TCHH: variants seen among roughly 807,000 people sequenced by gnomAD.
TCHH encodes the protein trichohyalin.
Under a neutral mutation model 6.3 loss-of-function variants are expected in TCHH, and 6 were observed. The observed-to-expected ratio is 0.95, with a 90% CI of 0.52 to 1.88. The LOEUF is 1.88. Ranked by LOEUF, TCHH falls within the 40% of genes most tolerant of loss-of-function variation. The pLI, the probability that TCHH is intolerant of heterozygous loss-of-function variation, is 0.01. For synonymous variants in TCHH, 1,087 were observed against 963.6 expected (o/e 1.13, Z -2.37); for missense variants, 2,920 against 2,449.1 (o/e 1.19, Z -4.06).
In TCHH at chr1:152,112,476, C is replaced by T. The variant is rs1198425094; in HGVS notation, c.741G>A (p.Arg247=). The change falls in exon 3 of 3, where the codon AGG becomes AGA. Residue 247 remains arginine, a synonymous_variant. Transcript: ENST00000614923. ...VFQEEEEKEW[R]KRETVLRKEE... The stretch of plus-strand genomic sequence containing the variant: ...CCTTCCGGAGCACTGTCTCGCGCTT[C>T]CTCCACTCTTTCTCTTCTTCCTCCT... The T allele has an allele frequency of 2.5e-6, 4 of 1,613,306 alleles. No individual in the cohort carries two copies. Among genetic ancestry groups the T allele is most frequent in the Admixed American group, 1.7e-5 (1 of 59,986 alleles).
chr1:152,113,571 C>T (rs1242331252), intron 2 of TCHH, among the ~76,000 whole-genome samples: 2 of 152,192 alleles, frequency 1.3e-5, no homozygotes, highest in African/African-American at 4.8e-5. Context: ...GATTTGGTTT[C>T]TATTCCATAT....
At position 152,110,237 on chromosome 1, in the gene TCHH, C is replaced by T. The variant is rs748603628; in HGVS notation, c.2980G>A (p.Glu994Lys). 4.4e-6 allele frequency: 7 copies of T among 1,608,884 alleles called. No individual in the cohort carries two copies. The highest frequency in any genetic ancestry group is 5.9e-6 in the Non-Finnish European group (7 of 1,177,984). The change falls in exon 3 of 3, where the codon GAG becomes AAG. Residue 994 changes from glutamate to lysine, a missense_variant. By Grantham distance (56) the Glu-to-Lys change is moderately conservative. Transcript: ENST00000614923. ...QEREKKYREE[E>K]ELQQEEEQLL... is the part of the protein sequence containing the mutation. ...TGCTCTTCCTCCTGCTGCAACTCCT[C>T]TTCCTCGCGGTATTTTTTCTCCCGC...
In TCHH at chr1:152,108,589, T is replaced by G. The variant is rs1658198398; in HGVS notation, c.4628A>C (p.Gln1543Pro). 3.1e-6 allele frequency: 5 copies of G among 1,601,588 alleles called. No homozygotes were observed. The highest frequency in any genetic ancestry group is 3.4e-6 in the Non-Finnish European group (4 of 1,174,846). ...CTGACGCCGCTGTTGCCCGCGCTCCTGGCGGCGCAGCTGCTGTTCCTCCTG... is the reference window on the plus strand; with the variant it reads ...CTGACGCCGCTGTTGCCCGCGCTCCGGGCGGCGCAGCTGCTGTTCCTCCTG... ...FLQEEQQLRR[Q>P]ERGQQRRQDR... is the part of the protein sequence containing the mutation. Residue 1543 changes from glutamine to proline, a missense_variant, in exon 3 of 3, where the codon CAG becomes CCG. Gln to Pro is a moderately conservative substitution (Grantham distance 76). Coordinates refer to ENST00000614923, the MANE Select transcript of TCHH (RefSeq NM_007113.4).
chr1:152,106,482 C>T lies in TCHH; in HGVS notation c.*903G>A, dbSNP rs1658106508. The stretch of plus-strand genomic sequence containing the variant: ...TCACACATTTTTCCCTTTTACACCC[C>T]CAACATGCTCTATGTGATCTCTTAT... On this transcript the variant is annotated 3_prime_UTR_variant, in exon 3 of 3. Coordinates refer to ENST00000614923, the MANE Select transcript of TCHH (RefSeq NM_007113.4). 1 of 152,178 alleles carries T rather than the reference C, an allele frequency of 6.6e-6. No homozygotes were observed. The highest frequency in any genetic ancestry group is 2.1e-4 in the South Asian group (1 of 4,828). The allele number at this position is 152,178 out of a possible 1,614,324, so 9.4% of individuals were successfully genotyped here.
Position 152,107,617 on chromosome 1 carries a change from T to G in TCHH, c.5600A>C (p.Glu1867Ala). 6.2e-7 allele frequency: 1 copy of G among 1,614,184 alleles called. No individual in the cohort carries two copies. The highest frequency in any genetic ancestry group is 8.5e-7 in the Non-Finnish European group (1 of 1,180,034). Residue 1867 changes from glutamate (E) to alanine (A), a missense_variant, in exon 3 of 3, where the codon GAA (glutamate) becomes GCA (alanine). Coordinates refer to ENST00000614923, the MANE Select transcript of TCHH (RefSeq NM_007113.4). Reference sequence around the variant, plus strand: ...TTCCTGGCGACGTTTCTGCTCCTCTTCTTGCCATAGTTCTTGTTCCTCACG... The same window carrying G: ...TTCCTGGCGACGTTTCTGCTCCTCTGCTTGCCATAGTTCTTGTTCCTCACG... ...SRREEQELWQ[E>A]EEQKRRQERE...
rs772870368 is a variant in TCHH, at chr1:152,112,669, C to T, written c.548G>A (p.Arg183Gln). The change falls in exon 3 of 3, where the codon CGG becomes CAG. Residue 183 changes from arginine to glutamine, a missense_variant. Coordinates refer to ENST00000614923, the MANE Select transcript of TCHH (RefSeq NM_007113.4). ...CTCTTCCTCTGCACGGCGCTCTTCCCGTTCTTGCCATTCTTGCCTTTGCCG... is the reference window on the plus strand; with the variant it reads ...CTCTTCCTCTGCACGGCGCTCTTCCTGTTCTTGCCATTCTTGCCTTTGCCG... ...LWRQRQEWQE[R>Q]EERRAEEEQL... The T allele has an allele frequency of 1.2e-6, 2 of 1,614,030 alleles. No individual in the cohort carries two copies. The highest frequency in any genetic ancestry group is 1.7e-6 in the Non-Finnish European group (2 of 1,180,034).
Position 152,109,127 on chromosome 1 carries a change from C to T in TCHH, c.4090G>A (p.Glu1364Lys), listed in dbSNP as rs752611225. ...TGTTCCTGATGGCGCAGTTCCTCTT[C>T]GCGGAATTTTCTGTCACGCTCTTGG... The part of the protein sequence containing the change: ...RRQERDRKFR[E>K]EELRHQEQGR... The change falls in exon 3 of 3, where the codon GAA becomes AAA. Residue 1364 changes from glutamate (E) to lysine (K), a missense_variant. Coordinates refer to ENST00000614923, the MANE Select transcript of TCHH (RefSeq NM_007113.4). 3.1e-6 allele frequency: 5 copies of T among 1,613,488 alleles called. No homozygotes were observed. Among genetic ancestry groups the T allele is most frequent in the Admixed American group, 1.7e-5 (1 of 59,976 alleles).
chr1:152,110,983 T>C lies in TCHH; in HGVS notation c.2234A>G (p.Glu745Gly), dbSNP rs1309292059. 8.7e-6 allele frequency: 14 copies of C among 1,613,332 alleles called. No individual in the cohort carries two copies. The highest frequency in any genetic ancestry group is 8.5e-7 in the Non-Finnish European group (1 of 1,180,002). ...QEEKRRRRES[E>G]LQWQEEERAH... ...CCGTTCCTCCTCCTGCCATTGCAGC[T>C]CACTCTCCCGGCGCCGCCTCTTTTC... Residue 745 changes from glutamate (E) to glycine (G), a missense_variant, in exon 3 of 3, where the codon GAG becomes GGG. By Grantham distance (98) the Glu-to-Gly change is moderately conservative (BLOSUM62 -2). Transcript: ENST00000614923.
Position 152,109,735 on chromosome 1 carries a change from C to G in TCHH, c.3482G>C (p.Arg1161Thr). 1 of 1,606,236 alleles carries G rather than the reference C, an allele frequency of 6.2e-7. No homozygotes were observed. The highest frequency in any genetic ancestry group is 8.5e-7 in the Non-Finnish European group (1 of 1,176,130). ...EQLLREEPEKRRRQELERQYR... is the reference protein window; with the variant it reads ...EQLLREEPEKTRRQELERQYR... ...TTGCCTCTCCAGCTCCTGGCGCCTT[C>G]TCTTCTCCGGTTCCTCTCTCAGCAG... Residue 1161 changes from arginine (R) to threonine (T), a missense_variant, in exon 3 of 3, where the codon AGA (arginine) becomes ACA (threonine). By Grantham distance (71) the Arg-to-Thr change is moderately conservative (BLOSUM62 -1). Coordinates refer to ENST00000614923, the MANE Select transcript of TCHH (RefSeq NM_007113.4).
rs1030525219 is a variant in TCHH at position 152,111,648 on chromosome 1, C to T, written c.1569G>A (p.Glu523=). The T allele has an allele frequency of 6.2e-7, 1 of 1,609,962 alleles. No individual in the cohort carries two copies. The highest frequency in any genetic ancestry group is 8.5e-7 in the Non-Finnish European group (1 of 1,178,646). ...ERREQRLKRQ[E]EEERLQQRLR... ...ACCGCTGCTGGAGCCTCTCTTCCTC[C>T]TCCTGGCGCTTCAGCCGCTGCTCGC... is the stretch of plus-strand genomic sequence containing the variant. Residue 523 remains glutamate, a synonymous_variant, in exon 3 of 3, where the codon GAG becomes GAA. Transcript: ENST00000614923.
At position 152,108,545 on chromosome 1, in the gene TCHH, G is replaced by A. The variant is rs1171287435; in HGVS notation, c.4672C>T (p.Arg1558Cys). The change falls in exon 3 of 3, where the codon CGC (arginine) becomes TGC (cysteine). Residue 1558 changes from arginine to cysteine, a missense_variant. Physicochemically the swap from Arg to Cys is radical, Grantham distance 180. Transcript: ENST00000614923. ...QRRQDRDRKF[R>C]EEEQLRQERE... Reference sequence around the variant, plus strand: ...TCCTGGCGCAGCTGTTCCTCCTCGCGGAATTTTCTGTCACGGTCCTGACGC... The same window carrying A: ...TCCTGGCGCAGCTGTTCCTCCTCGCAGAATTTTCTGTCACGGTCCTGACGC... The A allele has an allele frequency of 1.2e-6, 2 of 1,609,648 alleles. No homozygotes were observed. Among genetic ancestry groups the A allele is most frequent in the Non-Finnish European group, 1.7e-6 (2 of 1,178,904 alleles).
chr1:152,109,751 C>G lies in TCHH; in HGVS notation c.3466G>C (p.Glu1156Gln), dbSNP rs1414450115. ...TGGCGCCTTCTCTTCTCCGGTTCCT[C>G]TCTCAGCAGCTGCTCTTCCTCCTGC... Reference protein sequence around the residue: ...VQQEEEQLLREEPEKRRRQEL... With the variant: ...VQQEEEQLLRQEPEKRRRQEL... Residue 1156 changes from glutamate (E) to glutamine (Q), a missense_variant, in exon 3 of 3, where the codon GAG (glutamate) becomes CAG (glutamine). Transcript: ENST00000614923. 6.3e-7 allele frequency: 1 copy of G among 1,582,708 alleles called. No individual in the cohort carries two copies. Among genetic ancestry groups the G allele is most frequent in the Admixed American group, 1.7e-5 (1 of 58,324 alleles).
Position 152,112,781 on chromosome 1 carries a change from T to C in TCHH, c.436A>G (p.Arg146Gly). 1 of 1,613,934 alleles carries C rather than the reference T, an allele frequency of 6.2e-7. No homozygotes were observed. The highest frequency in any genetic ancestry group is 8.5e-7 in the Non-Finnish European group (1 of 1,179,996). ...TGCTCCTCTCCCTCAGCTAGCTCCC[T>C]CTCCTGTTCCTGCCTCTTCTGCCTG... is the stretch of plus-strand genomic sequence containing the variant. ...RRRQKRQEQE[R>G]ELAEGEEQSE... The change falls in exon 3 of 3, where the codon AGG (arginine) becomes GGG (glycine). Residue 146 changes from arginine (R) to glycine (G), a missense_variant. Coordinates refer to ENST00000614923, the MANE Select transcript of TCHH (RefSeq NM_007113.4).
Position 152,107,834 on chromosome 1 carries a change from T to G in TCHH, c.5383A>C (p.Arg1795=). The change falls in exon 3 of 3, where the codon AGA becomes CGA. Residue 1795 remains arginine, a synonymous_variant. Coordinates refer to ENST00000614923, the MANE Select transcript of TCHH (RefSeq NM_007113.4). ...AGCTGTTCCTCCTCGCGGAATTTTC[T>G]GTCAGACTCTTGGCTGCGCAGCTGC... ...EQQLRSQESD[R]KFREEEQLRQ... 1.2e-6 allele frequency: 2 copies of G among 1,613,842 alleles called. No individual in the cohort carries two copies. Among genetic ancestry groups the G allele is most frequent in the Admixed American group, 3.3e-5 (2 of 59,996 alleles).
At position 152,107,923 on chromosome 1, in the gene TCHH, C is replaced by T. The variant is rs1396905776; in HGVS notation, c.5294G>A (p.Arg1765His). 9 of 1,613,126 alleles carry T rather than the reference C, an allele frequency of 5.6e-6. No individual in the cohort carries two copies. The African/African-American group carries it at 8.0e-5, about 14-fold the overall frequency. ...GAATTTTCTGTCGCGCTCCTGGCGG[C>T]GCAGCTGCTGTTCTTCCCTTTCCGG... The part of the protein sequence containing the change: ...LRPEREEQQL[R>H]RQERDRKFRE... The change falls in exon 3 of 3, where the codon CGC becomes CAC. Residue 1765 changes from arginine to histidine, a missense_variant. Physicochemically the swap from Arg to His is conservative, Grantham distance 29. Coordinates refer to ENST00000614923, the MANE Select transcript of TCHH (RefSeq NM_007113.4).
In TCHH at chr1:152,112,767, C is replaced by G. The variant is rs570844934; in HGVS notation, c.450G>C (p.Glu150Asp). The stretch of plus-strand genomic sequence containing the variant: ...CTTGTTTCTCACTTTGCTCCTCTCC[C>G]TCAGCTAGCTCCCTCTCCTGTTCCT... ...KRQEQERELA[E>D]GEEQSEKQER... is the part of the protein sequence containing the mutation. The change falls in exon 3 of 3, where the codon GAG (glutamate) becomes GAC (aspartate). Residue 150 changes from glutamate (E) to aspartate (D), a missense_variant. Transcript: ENST00000614923. The G allele has an allele frequency of 1.1e-5, 18 of 1,614,074 alleles. No individual in the cohort carries two copies. The South Asian group carries it at 1.2e-4, about 11-fold the overall frequency.
Position 152,111,298 on chromosome 1 carries a change from T to C in TCHH, c.1919A>G (p.Glu640Gly). 1.3e-6 allele frequency: 2 copies of C among 1,597,036 alleles called. No homozygotes were observed. The highest frequency in any genetic ancestry group is 2.3e-5 in the East Asian group (1 of 44,330). The change falls in exon 3 of 3, where the codon GAG becomes GGG. Residue 640 changes from glutamate to glycine, a missense_variant. Transcript: ENST00000614923. ...CCTTAGTTGCTGCTGGCGCCTCTCC[T>C]CCTGCTCCTCGCTCTTCAGCAGCTG... ...RQQLLKSEEQ[E>G]ERRQQQLRRE...
In TCHH at chr1:152,107,655, CT is replaced by C; in HGVS notation, c.5561del (p.Gln1854ArgfsTer48). ...QYRAEEQFATQEKSRREEQEL... is the reference protein window; with the variant it reads ...QYRAEEQFATXEKSRREEQEL... The stretch of plus-strand genomic sequence containing the variant: ...CTTGTTCCTCACGACGACTCTTCTC[CT>C]GCGTGGCAAACTGCTCCTCCGCCCG... On this transcript the variant is annotated frameshift_variant, in exon 3 of 3. Transcript: ENST00000614923. LOFTEE classifies it low-confidence loss of function (END_TRUNC). 1 of 1,614,174 alleles carries C rather than the reference CT, an allele frequency of 6.2e-7. No homozygotes were observed. The highest frequency in any genetic ancestry group is 8.5e-7 in the Non-Finnish European group (1 of 1,180,040).
rs769694391 is a variant in TCHH, at chr1:152,113,046, G to A, written c.171C>T (p.Ile57=). ...RPHDPKTVDL[I]LELLDLDSNG... is the part of the protein sequence containing the mutation. ...TACTGTCAAGATCCAGAAGTTCCAG[G>A]ATCAGATCTACCGTCTTAGGGTCAT... The change falls in exon 3 of 3, where the codon ATC becomes ATT. Residue 57 remains isoleucine (I), a synonymous_variant. Transcript: ENST00000614923. 6.2e-6 allele frequency: 10 copies of A among 1,613,510 alleles called. No individual in the cohort carries two copies. Among genetic ancestry groups the A allele is most frequent in the Non-Finnish European group, 8.5e-6 (10 of 1,179,740 alleles).
Sources: gnomAD v4.1 joint callset for allele counts (sites outside exome capture counted in the v4.1 genomes callset) on GRCh38, gnomAD v4.1.1 for gene constraint, MANE v1.5 for transcripts, NCBI Gene and HGNC (gene_info 2026-07-23, HGNC 2026-07-21) for gene names.